Variants in SLC24A3 observed in about 807,000 individuals in gnomAD.
SLC24A3 encodes sodium/potassium/calcium exchanger 3.
A neutral mutation model predicts 75.8 loss-of-function variants in SLC24A3; 28 were observed. The observed-to-expected ratio is 0.37, with a 90% CI of 0.27 to 0.51. The LOEUF is 0.51. Ranked by LOEUF, SLC24A3 falls within the 20% of genes least tolerant of loss-of-function variation. The probability of loss-of-function intolerance (pLI) is 0.94; values close to 1 mark genes in which losing one functional copy is unlikely to be tolerated. For missense variants in SLC24A3, 663 were observed against 847.8 expected (o/e 0.78, Z 2.71); for synonymous variants, 372 against 334.1 (o/e 1.11, Z -1.24).
chr20:19,457,797 G>A (rs1987604962), intron 2 of SLC24A3, among the ~76,000 whole-genome samples: 1 of 152,194 alleles, frequency 6.6e-6, no homozygotes, highest in Admixed American at 6.5e-5. Context: ...GAGGGAGTCA[G>A]CTGTGAGAGC....
At chr20:19,604,991 A>G (rs1368488984) in intron 6 of SLC24A3, among the ~76,000 whole-genome samples, 1 of 152,082 alleles carries the variant, frequency 6.6e-6, no homozygotes, top group African/African-American at 2.4e-5. Context: ...AGGCTTTAGC[A>G]TTTGCCACCC....
At chr20:19,364,050 A>G (rs1377369653) in intron 2 of SLC24A3, among the ~76,000 whole-genome samples, 1 of 152,150 alleles carries the variant, frequency 6.6e-6, no homozygotes, top group Admixed American at 6.5e-5. Context: ...GGCCAGCAGG[A>G]ACATGGGCTC....
intron 2 of SLC24A3, among the ~76,000 whole-genome samples, chr20:19,351,045 T>A (rs185726508): frequency 2.3e-4 from 35 of 152,344 alleles, no homozygotes; most frequent in Admixed American, 1.8e-3. Flanking sequence ...TACCTGTCCT[T>A]AGATGCTTTG....
At chr20:19,481,914 G>A (rs1439457292) in intron 2 of SLC24A3, among the ~76,000 whole-genome samples, 1 of 151,972 alleles carries the variant, frequency 6.6e-6, no homozygotes, top group Non-Finnish European at 1.5e-5. Context: ...AAAGCCATAG[G>A]CTTTTCAAAT....
intron 7 of SLC24A3, among the ~76,000 whole-genome samples, chr20:19,661,967 T>C (rs987647099): frequency 1.3e-5 from 2 of 152,100 alleles, no homozygotes. Flanking sequence ...GAAAAGCCGG[T>C]TTCCATGGTA....
At chr20:19,440,481 T>A (rs1402653768) in intron 2 of SLC24A3, among the ~76,000 whole-genome samples, 1 of 152,162 alleles carries the variant, frequency 6.6e-6, no homozygotes, top group Non-Finnish European at 1.5e-5. Context: ...CTACGGTGTT[T>A]CCTAGCAAGG....
At chr20:19,279,068 C>T (rs1176492254) in intron 1 of SLC24A3, among the ~76,000 whole-genome samples, 2 of 152,234 alleles carry the variant, frequency 1.3e-5, no homozygotes, top group Non-Finnish European at 2.9e-5. Context: ...AGGCAATGTC[C>T]ACACTCTCCT....
intron 6 of SLC24A3, among the ~76,000 whole-genome samples, chr20:19,649,509 A>G (rs922050357): frequency 6.6e-6 from 1 of 151,934 alleles, no homozygotes; most frequent in Non-Finnish European, 1.5e-5. Context: ...TTTTATAGTA[A>G]CTCTTTTTTT....
intron 2 of SLC24A3, among the ~76,000 whole-genome samples, chr20:19,500,554 G>A (rs534073126): frequency 6.6e-6 from 1 of 152,194 alleles, no homozygotes; most frequent in African/African-American, 2.4e-5. Context: ...AACATTGAAA[G>A]GGTCATTTTC....
At chr20:19,508,873 G>T (rs1600258521) in intron 2 of SLC24A3, among the ~76,000 whole-genome samples, 1 of 152,236 alleles carries the variant, frequency 6.6e-6, no homozygotes, top group South Asian at 2.1e-4. Context: ...GCCCCAACAG[G>T]CTGAGTACCA....
At chr20:19,608,896 GTTGGAAA>G (rs920919114) in intron 6 of SLC24A3, among the ~76,000 whole-genome samples, 21 of 152,146 alleles carry the variant, frequency 1.4e-4, no homozygotes, top group Non-Finnish European at 2.5e-4. Context: ...TTGGCCATTT[GTTGGAAA>G]TTGTAACATT....
At chr20:19,445,092 C>G (rs1053321003) in intron 2 of SLC24A3, among the ~76,000 whole-genome samples, 1 of 152,046 alleles carries the variant, frequency 6.6e-6, no homozygotes, top group Non-Finnish European at 1.5e-5. Context: ...CAGAACTGAC[C>G]TTTTTCATGA....
intron 2 of SLC24A3, among the ~76,000 whole-genome samples, chr20:19,510,310 A>G (rs2122552303): frequency 6.6e-6 from 1 of 152,350 alleles, no homozygotes; most frequent in Non-Finnish European, 1.5e-5. Context: ...TTCAGAATGC[A>G]AGTCTTAATA....
At chr20:19,633,647 T>TG (rs1428354961) in intron 6 of SLC24A3, among the ~76,000 whole-genome samples, 8 of 25,598 alleles carry the variant, frequency 3.1e-4, no homozygotes, top group African/African-American at 9.8e-4. Context: ...AGACTCCGTC[T>TG]CAAAAAAAAA....
At chr20:19,577,941 G>A (rs2031164371) in intron 3 of SLC24A3, among the ~76,000 whole-genome samples, 1 of 152,144 alleles carries the variant, frequency 6.6e-6, no homozygotes, top group African/African-American at 2.4e-5. Context: ...GCATTTGTCT[G>A]ATATTTCCAC....
At chr20:19,659,804 A>G (rs899913788) in intron 7 of SLC24A3, among the ~76,000 whole-genome samples, 2 of 152,042 alleles carry the variant, frequency 1.3e-5, no homozygotes, top group African/African-American at 4.8e-5. Context: ...CTTTAAAATC[A>G]TCCTACCCCA....
At chr20:19,698,391 G>C (rs1347491029) in intron 14 of SLC24A3, among the ~76,000 whole-genome samples, 177 bp from the exon 15 acceptor site, 1 of 152,246 alleles carries the variant, frequency 6.6e-6, no homozygotes, top group Non-Finnish European at 1.5e-5. Context: ...AATAGAACGT[G>C]TGTTTCTCTG....
At chr20:19,227,865 T>G (rs998059528) in intron 1 of SLC24A3, among the ~76,000 whole-genome samples, 3 of 152,216 alleles carry the variant, frequency 2.0e-5, no homozygotes, top group Non-Finnish European at 4.4e-5. Flanking sequence ...CCAGATGAAT[T>G]TATAATCCTT....
At chr20:19,514,363 A>G (rs1218266962) in intron 2 of SLC24A3, among the ~76,000 whole-genome samples, 4 of 152,242 alleles carry the variant, frequency 2.6e-5, no homozygotes, top group Non-Finnish European at 5.9e-5. Flanking sequence ...CTGCTTTTAG[A>G]GGAATCCAAA....
Sources: allele counts gnomAD v4.1 joint callset (sites outside exome capture counted in the v4.1 genomes callset), GRCh38; gene constraint gnomAD v4.1.1; transcripts MANE v1.5; gene names NCBI Gene and HGNC (gene_info 2026-07-23, HGNC 2026-07-21).